The following TIAL1 variants were observed in gnomAD, a reference collection of about 807,000 sequenced individuals.
TIAL1 encodes TIA1 cytotoxic granule associated RNA binding protein like 1.
In TIAL1, 7 loss-of-function variants were observed where a neutral mutation model predicts 59.7. The ratio of observed to expected loss-of-function variants is 0.12; its 90% CI spans 0.07 to 0.22. The LOEUF (loss-of-function observed/expected upper bound fraction) is 0.22. Ranked by LOEUF, TIAL1 falls within the 10% of genes least tolerant of loss-of-function variation. The pLI is 1.00. For synonymous variants in TIAL1, 149 were observed against 146.3 expected (o/e 1.02, Z -0.13); for missense variants, 225 against 462.5 (o/e 0.49, Z 4.71).
At position 119,582,691 on chromosome 10, in the gene TIAL1, A is replaced by G; in HGVS notation, c.130-134T>C. 2 of 1,377,330 alleles carry G rather than the reference A, an allele frequency of 1.5e-6. No individual in the cohort carries two copies. Among genetic ancestry groups the G allele is most frequent in the Non-Finnish European group, 1.9e-6 (2 of 1,046,008 alleles). The allele number at this position is 1,377,330 out of a possible 1,614,324, so 85.3% of individuals were successfully genotyped here. A position where few individuals can be genotyped will look rare whatever the true frequency, so the allele number is the denominator to read the frequency against. On this transcript the variant is annotated intron_variant, in intron 2 of 11. Transcript: ENST00000436547. The surrounding 1 kb of genome is among the most constrained non-coding windows in gnomAD (Gnocchi z 5.1). ...CTGCATAAGCTTATGAAAGCCTAAC[A>G]CTTTTTAAATAAGATTTAAAGCTAA...
At chr10:119,591,598 A>G (rs1020205780) in intron 1 of TIAL1, among the ~76,000 whole-genome samples, 2 of 152,190 alleles carry the variant, frequency 1.3e-5, no homozygotes, top group Non-Finnish European at 2.9e-5. Context: ...AAGGTTTCCT[A>G]TTTTTCAAAT....
At chr10:119,593,054 C>T (rs1051801330) in intron 1 of TIAL1, among the ~76,000 whole-genome samples, 5 of 152,000 alleles carry the variant, frequency 3.3e-5, no homozygotes, top group African/African-American at 4.8e-5. Context: ...TTGGTGCATC[C>T]GATAGATGAA....
intron 2 of TIAL1, among the ~76,000 whole-genome samples, chr10:119,585,313 C>T (rs1385285987): frequency 6.8e-6 from 1 of 147,394 alleles, no homozygotes; most frequent in African/African-American, 2.5e-5. Flanking sequence ...TAAAAATGAA[C>T]TAGGTGTGGC....
At chr10:119,594,075 A>G (rs904215753) in intron 1 of TIAL1, among the ~76,000 whole-genome samples, 2 of 151,842 alleles carry the variant, frequency 1.3e-5, no homozygotes, top group African/African-American at 4.8e-5. Context: ...TCTCTTAAAA[A>G]AAAAAAAAGG....
intron 5 of TIAL1, among the ~76,000 whole-genome samples, chr10:119,581,526 TAA>T (rs1020682926): frequency 2.0e-5 from 3 of 152,090 alleles, no homozygotes; most frequent in African/African-American, 7.2e-5. Flanking sequence ...ATTCCTCCTA[TAA>T]AAGTTATTGA....
Position 119,596,413 on chromosome 10 carries a change from C to A in TIAL1, c.32+21G>T, listed in dbSNP as rs769280818. The stretch of plus-strand genomic sequence containing the variant: ...TGCCCGGGCCTCTTGGCGCCTGGCA[C>A]CCCTCGTCTCGGGTACTCACAGAGT... On this transcript the variant is annotated intron_variant, in intron 1 of 11. Coordinates refer to ENST00000436547, the MANE Select transcript of TIAL1 (RefSeq NM_003252.4). The A allele has an allele frequency of 4.3e-6, 7 of 1,611,432 alleles. No individual in the cohort carries two copies. The South Asian group carries it at 6.6e-5, about 15-fold the overall frequency.
chr10:119,587,388 G>A (rs544714473), intron 2 of TIAL1, among the ~76,000 whole-genome samples: 2 of 152,180 alleles, frequency 1.3e-5, no homozygotes, highest in Non-Finnish European at 2.9e-5. Flanking sequence ...CAAGGTTTCC[G>A]CCTAGGCAGT....
chr10:119,588,916 A>G (rs992117148), intron 1 of TIAL1, among the ~76,000 whole-genome samples: 5 of 152,224 alleles, frequency 3.3e-5, no homozygotes, highest in African/African-American at 1.2e-4. Flanking sequence ...TTCTAATTAA[A>G]AATAATTTAT....
chr10:119,576,673 C>T lies in TIAL1; in HGVS notation c.939G>A (p.Gly313=), dbSNP rs1206176929. ...PQQYGQYMAN[G]WQVPPYGVYG... ...ATACTCCATAAGGCGGTACTTGCCA[C>T]CCATTTGCCATATACTGTCCATACT... Residue 313 remains glycine, a synonymous_variant, in exon 11 of 12, where the codon GGG becomes GGA. Coordinates refer to ENST00000436547, the MANE Select transcript of TIAL1 (RefSeq NM_003252.4). The T allele has an allele frequency of 6.2e-7, 1 of 1,614,158 alleles. No individual in the cohort carries two copies. The highest frequency in any genetic ancestry group is 8.5e-7 in the Non-Finnish European group (1 of 1,180,028).
intron 2 of TIAL1, among the ~76,000 whole-genome samples, chr10:119,585,207 C>A (rs1172263967): frequency 6.6e-6 from 1 of 150,678 alleles, no homozygotes. Flanking sequence ...GAGGATGAGG[C>A]AGAGGCAGGA....
intron 9 of TIAL1, 114 bp from the exon 10 acceptor site, chr10:119,577,317 AC>A (rs749125435): frequency 5.2e-5 from 75 of 1,448,928 alleles, no homozygotes; most frequent in Non-Finnish European, 6.8e-5. Context: ...TTTCTAAAGT[AC>A]ATTAGGTAGG....
At chr10:119,593,187 T>C (rs1424947709) in intron 1 of TIAL1, among the ~76,000 whole-genome samples, 1 of 152,192 alleles carries the variant, frequency 6.6e-6, no homozygotes, top group Non-Finnish European at 1.5e-5. Flanking sequence ...GAAATGTGTG[T>C]CCCACAAGGC....
At chr10:119,594,772 G>A (rs1846069874) in intron 1 of TIAL1, among the ~76,000 whole-genome samples, 1 of 152,052 alleles carries the variant, frequency 6.6e-6, no homozygotes. Flanking sequence ...CTACAGGCGC[G>A]CGCCACCACG....
rs370120292 is a variant in TIAL1 at position 119,591,332 on chromosome 10, G to A, written c.33-3084C>T. Among the ~76,000 whole-genome samples, 284 of 152,058 alleles carry A rather than the reference G, an allele frequency of 1.9e-3. 3 individuals carry two copies. Among genetic ancestry groups the A allele is most frequent in the African/African-American group, 6.5e-3 (271 of 41,466 alleles). ...TGAGGCAGGAGAATCACTTGAACCC[G>A]GGAGGTGGAGGTTGCAGTGGGCTGA... On this transcript the variant is annotated intron_variant, in intron 1 of 11. Transcript: ENST00000436547.
rs533211133 is a variant in TIAL1, at chr10:119,589,620, G to C, written c.33-1372C>G. Among the ~76,000 whole-genome samples the C allele has an allele frequency of 2.6e-5, 4 of 152,150 alleles. 1 individual carries two copies. The highest frequency in any genetic ancestry group is 9.6e-5 in the African/African-American group (4 of 41,542). The stretch of plus-strand genomic sequence containing the variant: ...TTTGACTATGGACACTTAAAAATTT[G>C]GGTTTTTTTTCCTAATTACAATTGA... On this transcript the variant is annotated intron_variant, in intron 1 of 11. Coordinates refer to ENST00000436547, the MANE Select transcript of TIAL1 (RefSeq NM_003252.4).
chr10:119,593,821 A>G (rs1846010386), intron 1 of TIAL1, among the ~76,000 whole-genome samples: 1 of 152,186 alleles, frequency 6.6e-6, no homozygotes, highest in South Asian at 2.1e-4. Flanking sequence ...ATTGTTAAAC[A>G]TTTGCTTTTA....
chr10:119,584,845 G>A (rs1398583893), intron 2 of TIAL1, among the ~76,000 whole-genome samples: 1 of 151,172 alleles, frequency 6.6e-6, no homozygotes, highest in Non-Finnish European at 1.5e-5. Context: ...AAGTGCTCAC[G>A]CCTGTAACCC....
chr10:119,588,640 G>A (rs371917169), intron 1 of TIAL1, among the ~76,000 whole-genome samples: 8 of 152,188 alleles, frequency 5.3e-5, no homozygotes, highest in East Asian at 3.9e-4. Flanking sequence ...CACTGCGCCC[G>A]GCCACCTTTT....
Position 119,577,731 on chromosome 10 carries a change from T to C in TIAL1, c.562A>G (p.Thr188Ala), listed in dbSNP as rs747960796. 2 of 1,613,582 alleles carry C rather than the reference T, an allele frequency of 1.2e-6. No individual in the cohort carries two copies. Among genetic ancestry groups the C allele is most frequent in the East Asian group, 2.2e-5 (1 of 44,872 alleles). ...PAPKSTQENNTKQLRFEDVVN... is the reference protein window; with the variant it reads ...PAPKSTQENNAKQLRFEDVVN... ...ACATCTTCAAATCTCAACTGCTTAGTGTTGTCTGTATGCAGAAACAAAACA... is the reference window on the plus strand; with the variant it reads ...ACATCTTCAAATCTCAACTGCTTAGCGTTGTCTGTATGCAGAAACAAAACA... The change falls in exon 8 of 12, where the codon ACT (threonine) becomes GCT (alanine). Residue 188 changes from threonine to alanine, a missense_variant. By Grantham distance (58) the Thr-to-Ala change is moderately conservative. Around this residue, in one of 4 missense-constraint regions of TIAL1, gnomAD observed 80 missense variants for 158.8 expected, o/e 0.50. Coordinates refer to ENST00000436547, the MANE Select transcript of TIAL1 (RefSeq NM_003252.4).
Sources: gnomAD v4.1 joint callset for allele counts (sites outside exome capture counted in the v4.1 genomes callset) on GRCh38, gnomAD v4.1.1 for gene constraint, gnomAD v4.1.1 regional missense constraint, Gnocchi (gnomAD v3.1) non-coding constraint, MANE v1.5 for transcripts, NCBI Gene and HGNC (gene_info 2026-07-23, HGNC 2026-07-21) for gene names.